Variants in ATXN1 observed in about 807,000 individuals in gnomAD.
ATXN1 encodes ataxin-1.
ATXN1 carries 8 observed loss-of-function variants against 56.4 expected under a neutral mutation model. That is an observed-to-expected ratio of 0.14 (90% CI 0.08 to 0.26). ATXN1 has a LOEUF of 0.26. ATXN1 is among the 10% of genes least tolerant of loss of function. ATXN1 has a pLI of 1.00. For synonymous variants in ATXN1, 514 were observed against 494.6 expected (o/e 1.04, Z -0.52); for missense variants, 987 against 1,106.5 (o/e 0.89, Z 1.53).
chr6:16,401,149 T>C (rs868395269), intron 6 of ATXN1, among the ~76,000 whole-genome samples: 2 of 152,212 alleles, frequency 1.3e-5, no homozygotes, highest in Non-Finnish European at 2.9e-5. Flanking sequence ...AACCTGGAAG[T>C]GGCTTTCCAG....
chr6:16,759,965 C>A (rs1160068786), intron 1 of ATXN1, among the ~76,000 whole-genome samples: 2 of 152,094 alleles, frequency 1.3e-5, no homozygotes, highest in Non-Finnish European at 2.9e-5. Flanking sequence ...CGACGGCCCT[C>A]GCCCCCCGCC....
At chr6:16,669,667 C>CTTTTTTT (rs11356086) in intron 2 of ATXN1, among the ~76,000 whole-genome samples, 33 of 113,122 alleles carry the variant, frequency 2.9e-4, no homozygotes, top group Non-Finnish European at 4.9e-4. Flanking sequence ...ACTGAACAAT[C>CTTTTTTT]TTTTTTTTTT....
At chr6:16,616,672 A>C (rs941540307) in intron 3 of ATXN1, among the ~76,000 whole-genome samples, 1 of 143,264 alleles carries the variant, frequency 7.0e-6, no homozygotes, top group African/African-American at 2.6e-5. Context: ...TATATATATT[A>C]TATATTAATA....
chr6:16,612,994 G>A (rs561099203), intron 3 of ATXN1, among the ~76,000 whole-genome samples: 9 of 151,780 alleles, frequency 5.9e-5, no homozygotes, highest in South Asian at 4.2e-4. Flanking sequence ...GGCCGGGCGC[G>A]GTGGCTCACG....
intron 7 of ATXN1, among the ~76,000 whole-genome samples, chr6:16,315,826 CTAA>C (rs754436451): frequency 1.6e-4 from 24 of 152,132 alleles, no homozygotes; most frequent in Non-Finnish European, 2.2e-4. Flanking sequence ...CCATGTCCAG[CTAA>C]TGTTTTGTTG....
chr6:16,326,470 G>A lies in ATXN1; in HGVS notation c.1841C>T (p.Thr614Ile). The change falls in exon 7 of 8, where the codon ACC becomes ATC. Residue 614 changes from threonine to isoleucine, a missense_variant. Thr to Ile is a moderately conservative substitution (Grantham distance 89). Around this residue, in one of 3 missense-constraint regions of ATXN1, gnomAD observed 68 missense variants for 118.1 expected, o/e 0.58. Transcript: ENST00000436367. The surrounding 1 kb of genome is among the most constrained non-coding windows in gnomAD (Gnocchi z 6.6). ...ATGGCTGTCTTCAATCCTCTCTACGGTGCTGGAGTCGATCTTCAGGTCGTT... is the reference window on the plus strand; with the variant it reads ...ATGGCTGTCTTCAATCCTCTCTACGATGCTGGAGTCGATCTTCAGGTCGTT... ...ISNDLKIDSS[T>I]VERIEDSHSP... 2.5e-6 allele frequency: 4 copies of A among 1,614,110 alleles called. No homozygotes were observed. The highest frequency in any genetic ancestry group is 3.4e-6 in the Non-Finnish European group (4 of 1,180,018).
chr6:16,466,625 A>T (rs920466190), intron 6 of ATXN1, among the ~76,000 whole-genome samples: 1 of 152,226 alleles, frequency 6.6e-6, no homozygotes, highest in Non-Finnish European at 1.5e-5. Context: ...AACTTTTGCA[A>T]TGTGAGAGAA....
intron 7 of ATXN1, among the ~76,000 whole-genome samples, chr6:16,310,774 AC>A (rs1760370748): frequency 6.6e-6 from 1 of 152,248 alleles, no homozygotes; most frequent in South Asian, 2.1e-4. Context: ...GGCGTGAGCC[AC>A]CGTGTCAGGC....
intron 5 of ATXN1, among the ~76,000 whole-genome samples, chr6:16,503,184 A>G (rs3753093): frequency 0.25 from 37,592 of 152,032 alleles, 5,293 homozygotes; most frequent in African/African-American, 0.36. Context: ...GGTTCCTCCT[A>G]CTCCTCATCC....
rs557690968 is a variant in ATXN1, at chr6:16,403,344, C to T, written c.-160-74874G>A. 6.6e-5 allele frequency among the ~76,000 whole-genome samples: 10 copies of T among 152,286 alleles called. No homozygotes were observed. In the South Asian group the frequency reaches 1.9e-3, roughly 28 times the overall value. On this transcript the variant is annotated intron_variant, in intron 6 of 7. Coordinates refer to ENST00000436367, the MANE Select transcript of ATXN1 (RefSeq NM_001128164.2). ...CGTTTTCTAAGAAGAGGAAGTTATT[C>T]AAGCTCTTTAAAAAAAAATTTTTTA... is the stretch of plus-strand genomic sequence containing the variant.
intron 3 of ATXN1, among the ~76,000 whole-genome samples, chr6:16,653,979 G>A (rs1758134870): frequency 1.3e-5 from 2 of 152,132 alleles, no homozygotes; most frequent in Admixed American, 1.3e-4. Flanking sequence ...GTTAACTAAG[G>A]TGAGTTTCCT....
At chr6:16,342,368 A>C (rs991305830) in intron 6 of ATXN1, among the ~76,000 whole-genome samples, 1 of 152,088 alleles carries the variant, frequency 6.6e-6, no homozygotes, top group Non-Finnish European at 1.5e-5. Flanking sequence ...ACAAAAATGG[A>C]AAATAGCAAG....
chr6:16,385,584 T>C (rs1561875656), intron 6 of ATXN1, among the ~76,000 whole-genome samples: 1 of 152,246 alleles, frequency 6.6e-6, no homozygotes, highest in Non-Finnish European at 1.5e-5. Flanking sequence ...ATGGTCTAGC[T>C]CCTTTCTAAC....
chr6:16,705,560 C>T (rs995358728), intron 2 of ATXN1, among the ~76,000 whole-genome samples: 2 of 152,094 alleles, frequency 1.3e-5, no homozygotes, highest in African/African-American at 4.8e-5. Context: ...GACACTACCC[C>T]CCTCTCATTC....
chr6:16,581,904 T>G (rs185344259), intron 4 of ATXN1, among the ~76,000 whole-genome samples: 104 of 152,276 alleles, frequency 6.8e-4, no homozygotes, highest in African/African-American at 2.4e-3. Context: ...TGTAGAGTTA[T>G]AAAAAGTAAA....
At chr6:16,548,496 C>T (rs541346666) in intron 4 of ATXN1, among the ~76,000 whole-genome samples, 12 of 152,290 alleles carry the variant, frequency 7.9e-5, no homozygotes, top group South Asian at 2.1e-4. Context: ...TAAAACTTTT[C>T]GACTCTTGTA....
intron 6 of ATXN1, among the ~76,000 whole-genome samples, chr6:16,453,210 C>T (rs1017112125): frequency 1.3e-5 from 2 of 152,152 alleles, no homozygotes; most frequent in Non-Finnish European, 2.9e-5. Flanking sequence ...GGTACACTCT[C>T]AGCACTTTGG....
chr6:16,651,677 T>G (rs1763895731), intron 3 of ATXN1, among the ~76,000 whole-genome samples: 1 of 152,180 alleles, frequency 6.6e-6, no homozygotes, highest in Non-Finnish European at 1.5e-5. Context: ...AAAGTCAGGT[T>G]TAGATTCAAA....
At chr6:16,484,477 C>G (rs944862202) in intron 6 of ATXN1, among the ~76,000 whole-genome samples, 1 of 152,064 alleles carries the variant, frequency 6.6e-6, no homozygotes, top group African/African-American at 2.4e-5. Flanking sequence ...TGAAGCAATA[C>G]ACAGACTTGC....
Sources: allele counts gnomAD v4.1 joint callset (sites outside exome capture counted in the v4.1 genomes callset), GRCh38; gene constraint gnomAD v4.1.1; regional missense constraint gnomAD v4.1.1; non-coding constraint Gnocchi (gnomAD v3.1); transcripts MANE v1.5; gene names NCBI Gene and HGNC (gene_info 2026-07-23, HGNC 2026-07-21).